KPNA6: variants seen among roughly 807,000 people sequenced by gnomAD.
The protein encoded by KPNA6 is importin subunit alpha-7.
In KPNA6, 9 loss-of-function variants were observed where a neutral mutation model predicts 72.0. That is an observed-to-expected ratio of 0.13 (90% CI 0.08 to 0.22). KPNA6 has a LOEUF of 0.22. KPNA6 is among the 10% of genes least tolerant of loss of function. The pLI, the probability that KPNA6 is intolerant of heterozygous loss-of-function variation, is 1.00. For synonymous variants in KPNA6, 219 were observed against 242.1 expected, an observed-to-expected ratio of 0.90 and a Z score of 0.89; for missense variants, 374 against 655.7, an observed-to-expected ratio of 0.57 and a Z score of 4.69.
rs1642428701 is a variant in KPNA6, at chr1:32,171,055, G to C, written c.*161G>C. The C allele has an allele frequency of 1.6e-6, 1 of 635,818 alleles. No individual in the cohort carries two copies. The highest frequency in any genetic ancestry group is 2.7e-5 in the East Asian group (1 of 36,394). The allele number at this position is 635,818 out of a possible 1,614,324, so 39.4% of individuals were successfully genotyped here. A position where few individuals can be genotyped will look rare whatever the true frequency, so the allele number is the denominator to read the frequency against. ...CCTGCTCCGCCCCCTTCCCTGGAGG[G>C]AGCACCCTCTGGACAGACAGAACCA... On this transcript the variant is annotated 3_prime_UTR_variant, in exon 14 of 14. Coordinates refer to ENST00000373625, the MANE Select transcript of KPNA6 (RefSeq NM_012316.5).
At chr1:32,160,553 C>A in intron 6 of KPNA6, 62 bp from the exon 7 acceptor site, 1 of 1,297,596 alleles carries the variant, frequency 7.7e-7, no homozygotes, top group Non-Finnish European at 1.1e-6. Flanking sequence ...GCAGTTGTGG[C>A]TATAAAGTAC....
chr1:32,161,714 G>GT (rs1642241183), intron 7 of KPNA6, among the ~76,000 whole-genome samples: 1 of 152,174 alleles, frequency 6.6e-6, no homozygotes, highest in Admixed American at 6.5e-5. Context: ...CTAGCCCTCT[G>GT]TTTCGTCCCT....
chr1:32,145,234 C>T (rs527741835), intron 1 of KPNA6, among the ~76,000 whole-genome samples: 1 of 152,122 alleles, frequency 6.6e-6, no homozygotes, highest in Admixed American at 6.6e-5. Flanking sequence ...GCTGGGATTA[C>T]AGATGTGAGC....
At chr1:32,119,292 A>G (rs1641390657) in intron 1 of KPNA6, among the ~76,000 whole-genome samples, 1 of 151,766 alleles carries the variant, frequency 6.6e-6, no homozygotes, top group Non-Finnish European at 1.5e-5. Context: ...CGGCCTCCCA[A>G]AGTGCTGGGA....
intron 1 of KPNA6, among the ~76,000 whole-genome samples, chr1:32,108,645 G>A (rs1377557843): frequency 6.6e-6 from 1 of 152,244 alleles, no homozygotes; most frequent in Non-Finnish European, 1.5e-5. Flanking sequence ...GTAAGCATGG[G>A]CAGCCAGGCC....
At chr1:32,133,084 C>T (rs1641669534) in intron 1 of KPNA6, among the ~76,000 whole-genome samples, 1 of 152,050 alleles carries the variant, frequency 6.6e-6, no homozygotes. Context: ...GGTCTCACAC[C>T]TGTAATCCCA....
At chr1:32,127,424 C>T (rs1255733971) in intron 1 of KPNA6, among the ~76,000 whole-genome samples, 1 of 152,160 alleles carries the variant, frequency 6.6e-6, no homozygotes, top group Non-Finnish European at 1.5e-5. Context: ...AATATTGCCT[C>T]CTAAATCTAA....
chr1:32,123,515 T>G (rs1258102498), intron 1 of KPNA6, among the ~76,000 whole-genome samples: 3 of 151,456 alleles, frequency 2.0e-5, no homozygotes, highest in African/African-American at 7.3e-5. Flanking sequence ...CTGAGGTGGG[T>G]GGATTGCTTG....
intron 1 of KPNA6, among the ~76,000 whole-genome samples, chr1:32,153,289 G>T (rs1037326607): frequency 1.3e-5 from 2 of 152,066 alleles, no homozygotes; most frequent in Non-Finnish European, 2.9e-5. Flanking sequence ...GAACAGGCCA[G>T]GCGCAGTGGC....
At position 32,174,998 on chromosome 1, in the gene KPNA6, C is replaced by T. The variant is rs940085631; in HGVS notation, c.*4104C>T. On this transcript the variant is annotated 3_prime_UTR_variant, in exon 14 of 14. Coordinates refer to ENST00000373625, the MANE Select transcript of KPNA6 (RefSeq NM_012316.5). ...CCAACAAGTTGAGAATTTGGCCCTG[C>T]TGGGATCCATGTAGTGGGCACTAGC... is the stretch of plus-strand genomic sequence containing the variant. 2 of 152,204 alleles carry T rather than the reference C, an allele frequency of 1.3e-5. No individual in the cohort carries two copies. Among genetic ancestry groups the T allele is most frequent in the African/African-American group, 4.8e-5 (2 of 41,436 alleles). 9.4% of individuals were successfully genotyped at this position (152,204 alleles called of 1,614,324 possible). A position where few individuals can be genotyped will look rare whatever the true frequency, so the allele number is the denominator to read the frequency against.
chr1:32,130,222 A>T lies in KPNA6; in HGVS notation c.4+22088A>T, dbSNP rs889878836. On this transcript the variant is annotated intron_variant, in intron 1 of 13. Coordinates refer to ENST00000373625, the MANE Select transcript of KPNA6 (RefSeq NM_012316.5). ...TTTAGTCTGGATTTAGTAGATAAAT[A>T]TTTTTTTTTTTTTTTTTTTTTTTTA... 5.9e-3 allele frequency among the ~76,000 whole-genome samples: 610 copies of T among 103,120 alleles called. 11 individuals are homozygous for T. Among genetic ancestry groups the T allele is most frequent in the African/African-American group, 0.02 (568 of 28,460 alleles). The allele number at this position is 103,120 out of a possible 152,430, so 67.7% of individuals were successfully genotyped here. A position where few individuals can be genotyped will look rare whatever the true frequency, so the allele number is the denominator to read the frequency against.
intron 1 of KPNA6, among the ~76,000 whole-genome samples, chr1:32,123,888 G>T (rs1641482634): frequency 6.6e-6 from 1 of 151,478 alleles, no homozygotes; most frequent in South Asian, 2.1e-4. Context: ...ACAAAAATTA[G>T]CTGGGCGTGG....
chr1:32,128,387 T>TA (rs1553127101), intron 1 of KPNA6, among the ~76,000 whole-genome samples: 3 of 72,170 alleles, frequency 4.2e-5, no homozygotes, highest in African/African-American at 9.4e-5. Flanking sequence ...ATATATGTAT[T>TA]TATATATATA....
chr1:32,110,693 A>T (rs1641231550), intron 1 of KPNA6, among the ~76,000 whole-genome samples: 1 of 152,080 alleles, frequency 6.6e-6, no homozygotes, highest in East Asian at 1.9e-4. Context: ...GGTCAGGAGG[A>T]CGACACCAAC....
At chr1:32,141,642 C>T (rs1389027115) in intron 1 of KPNA6, among the ~76,000 whole-genome samples, 1 of 151,908 alleles carries the variant, frequency 6.6e-6, no homozygotes, top group Non-Finnish European at 1.5e-5. Context: ...GATGATCCAC[C>T]CGCCTCAGCC....
chr1:32,110,438 G>T lies in KPNA6; in HGVS notation c.4+2304G>T, dbSNP rs114814458. Among the ~76,000 whole-genome samples, 1,480 of 152,276 alleles carry T rather than the reference G, an allele frequency of 9.7e-3. 20 individuals carry two copies. Among genetic ancestry groups the T allele is most frequent in the African/African-American group, 0.033 (1,359 of 41,570 alleles). ...TCACTTGAGCTTCAAGGCAATGACT[G>T]TAGAATCAGATCTGGTATTGGAAGT... is the stretch of plus-strand genomic sequence containing the variant. On this transcript the variant is annotated intron_variant, in intron 1 of 13. Coordinates refer to ENST00000373625, the MANE Select transcript of KPNA6 (RefSeq NM_012316.5).
In KPNA6 at chr1:32,157,562, G is replaced by C. The variant is rs1013797017; in HGVS notation, c.331+117G>C. Reference sequence around the variant, plus strand: ...TTCTGCTCTAGCCCTACTGACCTTGGTGTTGCTTGTACAAGATAGACACAT... The same window carrying C: ...TTCTGCTCTAGCCCTACTGACCTTGCTGTTGCTTGTACAAGATAGACACAT... On this transcript the variant is annotated intron_variant, in intron 4 of 13. Coordinates refer to ENST00000373625, the MANE Select transcript of KPNA6 (RefSeq NM_012316.5). The C allele has an allele frequency of 4.9e-5, 34 of 691,486 alleles. 1 individual carries two copies. In the Middle Eastern group the frequency reaches 9.8e-4, roughly 20 times the overall value. The allele number at this position is 691,486 out of a possible 1,614,324, so 42.8% of individuals were successfully genotyped here. A position where few individuals can be genotyped will look rare whatever the true frequency, so the allele number is the denominator to read the frequency against.
At chr1:32,158,191 G>A in intron 4 of KPNA6, 76 bp from the exon 5 acceptor site, 1 of 895,586 alleles carries the variant, frequency 1.1e-6, no homozygotes, top group Non-Finnish European at 1.8e-6. Context: ...GTCTAAGAAG[G>A]ATTGCAAGCT....
At position 32,141,375 on chromosome 1, in the gene KPNA6, C is replaced by CTTTTTTTTTTTTTTTTTTTTTTTTTTT. The variant is rs71006334; in HGVS notation, c.5-13199_5-13173dup. On this transcript the variant is annotated intron_variant, in intron 1 of 13. Coordinates refer to ENST00000373625, the MANE Select transcript of KPNA6 (RefSeq NM_012316.5). ...AGGGCTTTTTTTTTTTAAGTTAATC[C>CTTTTTTTTTTTTTTTTTTTTTTTTTTT]TTTTTTTTTTTTTTTTTTTTTTTTT... Among the ~76,000 whole-genome samples the CTTTTTTTTTTTTTTTTTTTTTTTTTTT allele has an allele frequency of 5.5e-5, 3 of 54,454 alleles. 1 individual carries two copies. The highest frequency in any genetic ancestry group is 7.9e-5 in the Non-Finnish European group (2 of 25,172). 35.7% of individuals were successfully genotyped at this position (54,454 alleles called of 152,430 possible). A position where few individuals can be genotyped will look rare whatever the true frequency, so the allele number is the denominator to read the frequency against.
Sources: allele counts gnomAD v4.1 joint callset (sites outside exome capture counted in the v4.1 genomes callset), GRCh38; gene constraint gnomAD v4.1.1; transcripts MANE v1.5; gene names NCBI Gene and HGNC (gene_info 2026-07-23, HGNC 2026-07-21).